The following TGFB1I1 variants were observed in gnomAD, a reference collection of about 807,000 sequenced individuals.
The protein encoded by TGFB1I1 is transforming growth factor beta 1 induced transcript 1.
Under a neutral mutation model 52.0 loss-of-function variants are expected in TGFB1I1, and 33 were observed. The observed-to-expected ratio is 0.63, with a 90% CI of 0.48 to 0.85. TGFB1I1 has a LOEUF of 0.85. Among genes scored for constraint, TGFB1I1 ranks in the 40% least tolerant of loss-of-function variants. TGFB1I1 has a pLI of 0.00. For synonymous variants in TGFB1I1, 236 were observed against 253.3 expected, an observed-to-expected ratio of 0.93 and a Z score of 0.65; for missense variants, 577 against 614.9, an observed-to-expected ratio of 0.94 and a Z score of 0.65.
Position 31,476,171 on chromosome 16 carries a change from C to T in TGFB1I1, c.874C>T (p.Gln292Ter). The T allele has an allele frequency of 6.2e-7, 1 of 1,612,850 alleles. No individual in the cohort carries two copies. The highest frequency in any genetic ancestry group is 8.5e-7 in the Non-Finnish European group (1 of 1,179,932). Residue 292 changes from glutamine to a stop codon, truncating the protein, a stop_gained, in exon 8 of 11, where the codon CAG becomes TAG. Coordinates refer to ENST00000394863, the MANE Select transcript of TGFB1I1 (RefSeq NM_001042454.3). LOFTEE classifies it high-confidence loss of function. The surrounding 1 kb of genome is among the most constrained non-coding windows in gnomAD (Gnocchi z 7.6). Reference sequence around the variant, plus strand: ...CTCGCCAAGATGTGGCTTCTGCAACCAGCCCATCCGACACGTGAGCCCCGC... The same window carrying T: ...CTCGCCAAGATGTGGCTTCTGCAACTAGCCCATCCGACACGTGAGCCCCGC... ...RFSPRCGFCN[Q>*]PIRHKMVTAL...
In TGFB1I1 at chr16:31,476,653, T is replaced by C. The variant is rs747229253; in HGVS notation, c.970+91T>C. 67 of 1,470,822 alleles carry C rather than the reference T, an allele frequency of 4.6e-5. No individual in the cohort carries two copies. Among genetic ancestry groups the C allele is most frequent in the Non-Finnish European group, 5.4e-5 (58 of 1,074,768 alleles). The allele number at this position is 1,470,822 out of a possible 1,614,324, so 91.1% of individuals were successfully genotyped here. Reference sequence around the variant, plus strand: ...CCGACCTCCGGAGTCCTCAGGGCCATGGTTTTCCTTCTGCTCTCTTCTGGC... The same window carrying C: ...CCGACCTCCGGAGTCCTCAGGGCCACGGTTTTCCTTCTGCTCTCTTCTGGC... On this transcript the variant is annotated intron_variant, in intron 9 of 10. Coordinates refer to ENST00000394863, the MANE Select transcript of TGFB1I1 (RefSeq NM_001042454.3). The surrounding 1 kb of genome is among the most constrained non-coding windows in gnomAD (Gnocchi z 7.6).
intron 1 of TGFB1I1, chr16:31,473,119 C>A: frequency 1.1e-6 from 1 of 907,088 alleles, no homozygotes; most frequent in Non-Finnish European, 1.4e-6. Context: ...AGCTGAGGGC[C>A]AGGCACTGGG....
chr16:31,473,765 C>T, intron 3 of TGFB1I1, 31 bp downstream of exon 3: 1 of 1,585,880 alleles, frequency 6.3e-7, no homozygotes, highest in African/African-American at 1.3e-5. Context: ...GGCATGGGGG[C>T]CAACTGAGTC....
Position 31,473,220 on chromosome 16 carries a change from C to G in TGFB1I1, c.14-221C>G. 2.2e-6 allele frequency: 3 copies of G among 1,360,950 alleles called. No homozygotes were observed. In the East Asian group the frequency reaches 8.5e-5, roughly 38 times the overall value. 84.3% of individuals were successfully genotyped at this position (1,360,950 alleles called of 1,614,324 possible). On this transcript the variant is annotated intron_variant, in intron 1 of 10. Transcript: ENST00000394863. ...GAGAAGATGGGGAGAATAAAATAAT[C>G]AGGAGGCTGGGTTTGTGCTTGGCTC...
rs376858354 is a variant in TGFB1I1, at chr16:31,476,606, T to G, written c.970+44T>G. The G allele has an allele frequency of 9.9e-4, 1,557 of 1,579,932 alleles. 7 individuals are homozygous for G. The Middle Eastern group carries it at 0.02, about 20-fold the overall frequency. On this transcript the variant is annotated intron_variant, in intron 9 of 10. Transcript: ENST00000394863. The surrounding 1 kb of genome is among the most constrained non-coding windows in gnomAD (Gnocchi z 7.6). ...CCCATCTTAAAAGCTGCGGGTCCCC[T>G]CGACGTCTCGCCCCAGCCCCTCCGA...
intron 7 of TGFB1I1, chr16:31,475,319 T>A (rs1010106327): frequency 6.5e-6 from 1 of 154,714 alleles, no homozygotes; most frequent in Non-Finnish European, 1.4e-5. Flanking sequence ...AAATAGATTT[T>A]TATGTCTGTG....
chr16:31,473,357 C>T (rs969706402), intron 1 of TGFB1I1, 84 bp from the exon 2 acceptor site: 2 of 1,506,000 alleles, frequency 1.3e-6, no homozygotes, highest in African/African-American at 1.4e-5. Flanking sequence ...GGCTTCTGTC[C>T]TTCTCCAGTA....
chr16:31,476,207 C>T lies in TGFB1I1; in HGVS notation c.888+22C>T. 3 of 1,604,370 alleles carry T rather than the reference C, an allele frequency of 1.9e-6. No individual in the cohort carries two copies. The highest frequency in any genetic ancestry group is 2.6e-6 in the Non-Finnish European group (3 of 1,176,444). ...ACACGTGAGCCCCGCCCGGCCGCAC[C>T]GAGCCCGCCCTATCTCACCAGGAGA... On this transcript the variant is annotated intron_variant, in intron 8 of 10. Transcript: ENST00000394863. The surrounding 1 kb of genome is among the most constrained non-coding windows in gnomAD (Gnocchi z 7.6).
intron 1 of TGFB1I1, 68 bp downstream of exon 1, chr16:31,472,269 C>A: frequency 7.0e-7 from 1 of 1,425,220 alleles, no homozygotes; most frequent in South Asian, 1.5e-5. Flanking sequence ...CCCGCCGTCG[C>A]TCTCCCGCAT....
At chr16:31,475,882 G>C in intron 7 of TGFB1I1, 130 bp from the exon 8 acceptor site, 3 of 1,005,230 alleles carry the variant, frequency 3.0e-6, no homozygotes, top group Non-Finnish European at 4.4e-6. Flanking sequence ...CTTACAGGCT[G>C]CGTGATCTCG....
Position 31,472,218 on chromosome 16 carries a change from C to T in TGFB1I1, c.13+17C>T, listed in dbSNP as rs1325285662. On this transcript the variant is annotated intron_variant, in intron 1 of 10. Coordinates refer to ENST00000394863, the MANE Select transcript of TGFB1I1 (RefSeq NM_001042454.3). Reference sequence around the variant, plus strand: ...AGGACCTGGGTGAGTGGGGCCGGATCCCCGGGTCCGTGGCCCCTCACCGCT... The same window carrying T: ...AGGACCTGGGTGAGTGGGGCCGGATTCCCGGGTCCGTGGCCCCTCACCGCT... The T allele has an allele frequency of 2.1e-6, 3 of 1,428,460 alleles. No individual in the cohort carries two copies. Among genetic ancestry groups the T allele is most frequent in the South Asian group, 2.5e-5 (2 of 78,612 alleles). The allele number at this position is 1,428,460 out of a possible 1,614,324, so 88.5% of individuals were successfully genotyped here. A position where few individuals can be genotyped will look rare whatever the true frequency, so the allele number is the denominator to read the frequency against.
In TGFB1I1 at chr16:31,476,435, C is replaced by G; in HGVS notation, c.889-46C>G. The G allele has an allele frequency of 6.4e-7, 1 of 1,570,076 alleles. No individual in the cohort carries two copies. The highest frequency in any genetic ancestry group is 8.7e-7 in the Non-Finnish European group (1 of 1,151,276). Reference sequence around the variant, plus strand: ...CCGGGTTCCGCGCGGGAGAGGAAGGCGCGAAGGCACGGAGGCCGCGCTGAG... The same window carrying G: ...CCGGGTTCCGCGCGGGAGAGGAAGGGGCGAAGGCACGGAGGCCGCGCTGAG... On this transcript the variant is annotated intron_variant, in intron 8 of 10. Coordinates refer to ENST00000394863, the MANE Select transcript of TGFB1I1 (RefSeq NM_001042454.3). This position sits in a 1 kb window ranked among gnomAD's most constrained non-coding sequence, Gnocchi z 7.6.
rs150264181 is a variant in TGFB1I1, at chr16:31,474,738, A to T, written c.695A>T (p.Asn232Ile). Reference protein sequence around the residue: ...TQAKGLCGSCNKPIAGQVVTA... With the variant: ...TQAKGLCGSCIKPIAGQVVTA... ...GCCAAAGGCCTCTGTGGCTCCTGCA[A>T]TAAACCTATTGCTGGGCAAGTAAGT... Residue 232 changes from asparagine to isoleucine, a missense_variant, in exon 7 of 11, where the codon AAT becomes ATT. Around this residue, in one of 3 missense-constraint regions of TGFB1I1, gnomAD observed 456 missense variants for 461.6 expected, o/e 0.99. Transcript: ENST00000394863. The surrounding 1 kb of genome is among the most constrained non-coding windows in gnomAD (Gnocchi z 4.2). 6.2e-7 allele frequency: 1 copy of T among 1,609,868 alleles called. No individual in the cohort carries two copies. Among genetic ancestry groups the T allele is most frequent in the Non-Finnish European group, 8.5e-7 (1 of 1,178,476 alleles).
chr16:31,477,179 G>C lies in TGFB1I1; in HGVS notation c.1120-131G>C. 6.9e-7 allele frequency: 1 copy of C among 1,444,674 alleles called. No individual in the cohort carries two copies. Among genetic ancestry groups the C allele is most frequent in the Non-Finnish European group, 9.2e-7 (1 of 1,084,270 alleles). The allele number at this position is 1,444,674 out of a possible 1,614,324, so 89.5% of individuals were successfully genotyped here. On this transcript the variant is annotated intron_variant, in intron 10 of 10. Coordinates refer to ENST00000394863, the MANE Select transcript of TGFB1I1 (RefSeq NM_001042454.3). The surrounding 1 kb of genome is among the most constrained non-coding windows in gnomAD (Gnocchi z 4.7). ...CGGGTGGGGCGAGTTTTCCGGGCAG[G>C]GTCCCACCGGACGGGATTCTTCGCG...
chr16:31,472,450 G>T, intron 1 of TGFB1I1: 1 of 721,150 alleles, frequency 1.4e-6, no homozygotes, highest in Non-Finnish European at 1.9e-6. Context: ...GGAACGGGAG[G>T]TGCGGCGCCC....
In TGFB1I1 at chr16:31,476,895, G is replaced by C. The variant is rs764513406; in HGVS notation, c.1004G>C (p.Arg335Pro). Residue 335 changes from arginine (R) to proline (P), a missense_variant, in exon 10 of 11, where the codon CGC becomes CCC. Around this residue, in one of 3 missense-constraint regions of TGFB1I1, gnomAD observed 456 missense variants for 461.6 expected, o/e 0.99. Coordinates refer to ENST00000394863, the MANE Select transcript of TGFB1I1 (RefSeq NM_001042454.3). The surrounding 1 kb of genome is among the most constrained non-coding windows in gnomAD (Gnocchi z 7.6). ...GAGCGCGAGGGCCGCCCCTACTGCC[G>C]CCGGGACTTCCTGCAGCTGTTCGCC... ...FHEREGRPYC[R>P]RDFLQLFAPR... The C allele has an allele frequency of 3.7e-5, 59 of 1,609,554 alleles. No homozygotes were observed. The highest frequency in any genetic ancestry group is 4.9e-5 in the Non-Finnish European group (58 of 1,179,356).
chr16:31,476,102 A>G lies in TGFB1I1; in HGVS notation c.805A>G (p.Lys269Glu). 6.2e-7 allele frequency: 1 copy of G among 1,613,808 alleles called. No homozygotes were observed. Among genetic ancestry groups the G allele is most frequent in the Non-Finnish European group, 8.5e-7 (1 of 1,179,970 alleles). ...CCTGGGAGGCAGCAGCTTCTTCGAGAAGGATGGAGCCCCCTTCTGCCCCGA... is the reference window on the plus strand; with the variant it reads ...CCTGGGAGGCAGCAGCTTCTTCGAGGAGGATGGAGCCCCCTTCTGCCCCGA... ...TALGGSSFFEKDGAPFCPECY... is the reference protein window; with the variant it reads ...TALGGSSFFEEDGAPFCPECY... The change falls in exon 8 of 11, where the codon AAG (lysine) becomes GAG (glutamate). Residue 269 changes from lysine (K) to glutamate (E), a missense_variant. Physicochemically the swap from Lys to Glu is moderately conservative, Grantham distance 56. This residue lies in a region of TGFB1I1 where 456 missense variants were observed against 461.6 expected (regional missense o/e 0.99). Transcript: ENST00000394863. The surrounding 1 kb of genome is among the most constrained non-coding windows in gnomAD (Gnocchi z 7.6).
chr16:31,475,888 T>C (rs2142596896), intron 7 of TGFB1I1, 124 bp from the exon 8 acceptor site: 1 of 1,069,368 alleles, frequency 9.4e-7, no homozygotes, highest in East Asian at 2.4e-5. Flanking sequence ...GGCTGCGTGA[T>C]CTCGAACACT....
intron 1 of TGFB1I1, chr16:31,472,471 G>A (rs1222054379): frequency 8.4e-6 from 4 of 473,814 alleles, no homozygotes; most frequent in African/African-American, 6.1e-5. Context: ...GCGGGCGCCC[G>A]GGCGCGGGGC....
Sources: gnomAD v4.1 joint callset for allele counts on GRCh38, gnomAD v4.1.1 for gene constraint, gnomAD v4.1.1 regional missense constraint, Gnocchi (gnomAD v3.1) non-coding constraint, MANE v1.5 for transcripts, NCBI Gene and HGNC (gene_info 2026-07-23, HGNC 2026-07-21) for gene names.